The following WWOX variants were observed in gnomAD, a reference collection of about 807,000 sequenced individuals.
WWOX encodes WW domain containing oxidoreductase, also known as WW domain-containing oxidoreductase.
WWOX carries 69 observed loss-of-function variants against 46.2 expected under a neutral mutation model. That is an observed-to-expected ratio of 1.49 (90% CI 1.23 to 1.82). The LOEUF (loss-of-function observed/expected upper bound fraction) is 1.82, where lower values mean the gene tolerates loss of function less well. Among genes scored for constraint, WWOX ranks in the 40% most tolerant of loss-of-function variants. WWOX has a pLI of 0.00. For missense variants in WWOX, 919 were observed against 542.6 expected (o/e 1.69, Z -6.89); for synonymous variants, 359 against 202.6 (o/e 1.77, Z -6.56).
chr16:79,147,660 A>G (rs1182440021), intron 8 of WWOX, among the ~76,000 whole-genome samples: 1 of 152,196 alleles, frequency 6.6e-6, no homozygotes, highest in Non-Finnish European at 1.5e-5. Context: ...AGTTTGTATA[A>G]GAAACTGTCA....
chr16:78,854,216 C>A (rs1032825629), intron 8 of WWOX, among the ~76,000 whole-genome samples: 2 of 152,080 alleles, frequency 1.3e-5, no homozygotes, highest in African/African-American at 4.8e-5. Flanking sequence ...ACTCAGGTTG[C>A]TTATAATGAG....
At chr16:78,391,613 C>A (rs150694710) in intron 6 of WWOX, among the ~76,000 whole-genome samples, 13 of 152,274 alleles carry the variant, frequency 8.5e-5, no homozygotes, top group African/African-American at 2.6e-4. Context: ...CTGGGGAGGC[C>A]GCAGTGGGTG....
At chr16:78,396,202 G>GT (rs1369202884) in intron 6 of WWOX, among the ~76,000 whole-genome samples, 1 of 152,054 alleles carries the variant, frequency 6.6e-6, no homozygotes, top group Non-Finnish European at 1.5e-5. Flanking sequence ...ATGCTTAGCA[G>GT]TTTTTTGATA....
chr16:78,969,326 A>T (rs1055382074), intron 8 of WWOX, among the ~76,000 whole-genome samples: 1 of 151,314 alleles, frequency 6.6e-6, no homozygotes, highest in Non-Finnish European at 1.5e-5. Context: ...CTGGAATACA[A>T]TGGTGCTATC....
intron 8 of WWOX, among the ~76,000 whole-genome samples, chr16:78,530,380 A>G (rs1300330729): frequency 2.0e-5 from 3 of 152,142 alleles, no homozygotes; most frequent in Non-Finnish European, 2.9e-5. Context: ...GGGGGATTTT[A>G]TTGCTGATGA....
At chr16:78,517,865 TTTTTTTTTTTTTTTA>T (rs1056927726) in intron 8 of WWOX, among the ~76,000 whole-genome samples, 2 of 149,722 alleles carry the variant, frequency 1.3e-5, no homozygotes, top group African/African-American at 4.9e-5. Flanking sequence ...ATTTTTTTTT[TTTTTTTTTTTTTTTA>T]CTCTGAATGT....
chr16:78,646,084 C>G (rs1169390055), intron 8 of WWOX, among the ~76,000 whole-genome samples: 1 of 152,186 alleles, frequency 6.6e-6, no homozygotes, highest in Non-Finnish European at 1.5e-5. Flanking sequence ...TGCGCATACT[C>G]TCCTCATGTC....
At chr16:78,441,288 G>A (rs1222902906) in intron 8 of WWOX, among the ~76,000 whole-genome samples, 1 of 152,126 alleles carries the variant, frequency 6.6e-6, no homozygotes, top group Admixed American at 6.5e-5. Flanking sequence ...TCACACTACT[G>A]TATCCCTGGT....
At chr16:78,919,165 T>G (rs1397245884) in intron 8 of WWOX, among the ~76,000 whole-genome samples, 2 of 152,024 alleles carry the variant, frequency 1.3e-5, no homozygotes, top group East Asian at 3.9e-4. Context: ...ATACTTTGAG[T>G]AACTATTACA....
intron 5 of WWOX, among the ~76,000 whole-genome samples, chr16:78,238,394 G>C (rs769131925): frequency 1.3e-5 from 2 of 151,938 alleles, no homozygotes; most frequent in Non-Finnish European, 1.5e-5. Context: ...CGACCTCCCG[G>C]GCTCAGGCGA....
At chr16:78,234,418 G>T (rs1290021669) in intron 5 of WWOX, among the ~76,000 whole-genome samples, 1 of 152,072 alleles carries the variant, frequency 6.6e-6, no homozygotes, top group Non-Finnish European at 1.5e-5. Context: ...TGTGTGTAGT[G>T]TGGGCCCCAG....
At chr16:78,802,572 A>T (rs1010923770) in intron 8 of WWOX, among the ~76,000 whole-genome samples, 1 of 152,126 alleles carries the variant, frequency 6.6e-6, no homozygotes, top group Non-Finnish European at 1.5e-5. Flanking sequence ...TGTCCTTAAC[A>T]ACTAATTAAT....
intron 8 of WWOX, among the ~76,000 whole-genome samples, chr16:79,132,155 CA>C (rs1483023587): frequency 2.6e-5 from 4 of 151,710 alleles, no homozygotes; most frequent in African/African-American, 7.3e-5. Context: ...CACACACACA[CA>C]CACACACACA....
intron 8 of WWOX, among the ~76,000 whole-genome samples, chr16:78,688,050 ATCT>A (rs1163124678): frequency 6.6e-6 from 1 of 152,134 alleles, no homozygotes; most frequent in East Asian, 1.9e-4. Context: ...AATTTTTGAA[ATCT>A]TCTTAGAATG....
rs566564842 is a variant in WWOX at position 78,340,356 on chromosome 16, C to T, written c.517-46504C>T. On this transcript the variant is annotated intron_variant, in intron 5 of 8. Transcript: ENST00000566780. ...GGACTACATGTGCGTGTCACCAAGCCGAACTAATTTATTTTTATTTTTTGT... is the reference window on the plus strand; with the variant it reads ...GGACTACATGTGCGTGTCACCAAGCTGAACTAATTTATTTTTATTTTTTGT... Among the ~76,000 whole-genome samples the T allele has an allele frequency of 3.0e-4, 35 of 117,932 alleles. 4 individuals carry two copies. The South Asian group carries it at 5.2e-3, about 17-fold the overall frequency. 77.4% of individuals were successfully genotyped at this position (117,932 alleles called of 152,430 possible). A position where few individuals can be genotyped will look rare whatever the true frequency, so the allele number is the denominator to read the frequency against.
chr16:79,187,504 G>C (rs1254561157), intron 8 of WWOX, among the ~76,000 whole-genome samples: 1 of 152,154 alleles, frequency 6.6e-6, no homozygotes, highest in Non-Finnish European at 1.5e-5. Flanking sequence ...AGGTTCAAGC[G>C]ATTCTCCTGC....
chr16:78,653,229 C>T (rs2859499), intron 8 of WWOX, among the ~76,000 whole-genome samples: 64,577 of 152,000 alleles, frequency 0.42, 16,176 homozygotes, highest in Admixed American at 0.58. Flanking sequence ...CCTAAGATTA[C>T]ACCATGTAAA....
chr16:79,051,492 T>G (rs537085527), intron 8 of WWOX, among the ~76,000 whole-genome samples: 1 of 151,866 alleles, frequency 6.6e-6, no homozygotes, highest in East Asian at 1.9e-4. Context: ...CCACTAACAC[T>G]TATGTCATTG....
intron 8 of WWOX, among the ~76,000 whole-genome samples, chr16:78,647,270 A>G (rs966945411): frequency 6.6e-6 from 1 of 152,144 alleles, no homozygotes; most frequent in African/African-American, 2.4e-5. Context: ...AAGGAAATCC[A>G]AATGCTTTAC....
Sources: gnomAD v4.1 joint callset for allele counts (sites outside exome capture counted in the v4.1 genomes callset) on GRCh38, gnomAD v4.1.1 for gene constraint, MANE v1.5 for transcripts, NCBI Gene and HGNC (gene_info 2026-07-23, HGNC 2026-07-21) for gene names.